STMN1: variants seen among roughly 807,000 people sequenced by gnomAD.
STMN1 encodes stathmin.
In STMN1, 3 loss-of-function variants were observed where a neutral mutation model predicts 19.7. That is an observed-to-expected ratio of 0.15 (90% CI 0.07 to 0.39). The LOEUF is 0.39. STMN1 is among the 10% of genes least tolerant of loss of function. The pLI, the probability that STMN1 is intolerant of heterozygous loss-of-function variation, is 1.00. For missense variants in STMN1, 99 were observed against 176.0 expected (o/e 0.56, Z 2.48); for synonymous variants, 59 against 58.9 (o/e 1.00, Z -0.01).
intron 4 of STMN1, chr1:25,887,680 G>T (rs577729216): frequency 1.9e-4 from 39 of 208,334 alleles, no homozygotes; most frequent in African/African-American, 5.4e-4. Context: ...GTTTTTTGGG[G>T]TTTTTTTGTT....
intron 1 of STMN1, 97 bp from the exon 2 acceptor site, chr1:25,904,835 G>GAA (rs1411924850): frequency 2.1e-5 from 16 of 746,458 alleles, no homozygotes; most frequent in Non-Finnish European, 2.8e-5. Flanking sequence ...TACATCGTCA[G>GAA]AAAAATACGT....
chr1:25,901,224 A>G, intron 4 of STMN1, 137 bp from the exon 5 acceptor site: 1 of 1,447,754 alleles, frequency 6.9e-7, no homozygotes, highest in Non-Finnish European at 9.1e-7. Context: ...TGGGAACCAC[A>G]CAATTTAAGT....
chr1:25,887,002 G>T (rs974601949), intron 4 of STMN1, among the ~76,000 whole-genome samples: 3 of 152,048 alleles, frequency 2.0e-5, no homozygotes, highest in Admixed American at 1.3e-4. Context: ...TGACTTGGAT[G>T]CCCTTTCCTG....
At chr1:25,903,508 TTTCC>T (rs1173019690) in intron 3 of STMN1, 129 bp downstream of exon 3, 2 of 1,225,716 alleles carry the variant, frequency 1.6e-6, no homozygotes, top group East Asian at 4.7e-5. Flanking sequence ...AGGACTGGTA[TTTCC>T]TTCCAGTCAC....
chr1:25,901,686 GA>G lies in STMN1; in HGVS notation c.187-5del, dbSNP rs753614281. On this transcript the variant is annotated splice_polypyrimidine_tract_variant and splice_region_variant and intron_variant, in intron 3 of 4. Coordinates refer to ENST00000455785, the MANE Select transcript of STMN1 (RefSeq NM_005563.4). ...TCAAGACCTCAGCTTCATGGGACTGGAAAAAAAAGTTTAATAGGCTAGGCAC... is the reference window on the plus strand; with the variant it reads ...TCAAGACCTCAGCTTCATGGGACTGGAAAAAAAGTTTAATAGGCTAGGCAC... 1.4e-5 allele frequency: 22 copies of G among 1,598,640 alleles called. No homozygotes were observed. The East Asian group carries it at 4.3e-4, about 31-fold the overall frequency.
chr1:25,902,390 C>T (rs2048886180), intron 3 of STMN1: 1 of 152,130 alleles, frequency 6.6e-6, no homozygotes, highest in South Asian at 2.1e-4. Context: ...ACTGATAAAA[C>T]AATGATAGGA....
Position 25,900,833 on chromosome 1 carries a change from C to CT in STMN1, c.*182dup. The CT allele has an allele frequency of 7.2e-7, 1 of 1,391,532 alleles. No homozygotes were observed. The highest frequency in any genetic ancestry group is 9.3e-7 in the Non-Finnish European group (1 of 1,071,976). The allele number at this position is 1,391,532 out of a possible 1,614,324, so 86.2% of individuals were successfully genotyped here. ...AACACTTTAGAAAAAGAGTAAAACACTTTCAGTTTCTCCCCTTTAGCCCCT... is the reference window on the plus strand; with the variant it reads ...AACACTTTAGAAAAAGAGTAAAACACTTTTCAGTTTCTCCCCTTTAGCCCCT... On this transcript the variant is annotated 3_prime_UTR_variant, in exon 5 of 5. Coordinates refer to ENST00000455785, the MANE Select transcript of STMN1 (RefSeq NM_005563.4).
chr1:25,900,768 GA>G lies in STMN1; in HGVS notation c.*247del. 7.6e-7 allele frequency: 1 copy of G among 1,316,786 alleles called. No homozygotes were observed. The allele number at this position is 1,316,786 out of a possible 1,614,324, so 81.6% of individuals were successfully genotyped here. Reference sequence around the variant, plus strand: ...CCAGTACACCAAGTGTACTGAAGTAGAAAAGATGCAACAAGAAAAATAGCTA... The same window carrying G: ...CCAGTACACCAAGTGTACTGAAGTAGAAAGATGCAACAAGAAAAATAGCTA... On this transcript the variant is annotated 3_prime_UTR_variant, in exon 5 of 5. Coordinates refer to ENST00000455785, the MANE Select transcript of STMN1 (RefSeq NM_005563.4).
chr1:25,898,166 AG>A (rs1413463374), downstream of STMN1, among the ~76,000 whole-genome samples: 2 of 152,164 alleles, frequency 1.3e-5, no homozygotes, highest in Non-Finnish European at 2.9e-5. Flanking sequence ...AAAAATGGGG[AG>A]GGGGCCTGCC....
At chr1:25,903,356 C>T in intron 3 of STMN1, 2 of 316,890 alleles carry the variant, frequency 6.3e-6, no homozygotes, top group Non-Finnish European at 1.2e-5. Context: ...CTGACCCCAA[C>T]ACTTACTAGT....
downstream of STMN1, chr1:25,885,187 G>C (rs1399149942): frequency 6.5e-6 from 1 of 153,784 alleles, no homozygotes; most frequent in Non-Finnish European, 1.5e-5. Flanking sequence ...TGTCTTTGTT[G>C]GGCGCTTCTT....
chr1:25,892,555 G>C (rs532858306), intron 4 of STMN1: 259 of 985,192 alleles, frequency 2.6e-4, no homozygotes, highest in Non-Finnish European at 2.9e-4. Context: ...ATGCCACCAC[G>C]GCTGAGCCGC....
chr1:25,904,833 C>T, intron 1 of STMN1, 95 bp from the exon 2 acceptor site: 1 of 758,526 alleles, frequency 1.3e-6, no homozygotes, highest in Non-Finnish European at 2.0e-6. Flanking sequence ...CATACATCGT[C>T]AGAAAAATAC....
At chr1:25,888,809 G>A (rs917003605) in intron 4 of STMN1, among the ~76,000 whole-genome samples, 2 of 152,166 alleles carry the variant, frequency 1.3e-5, no homozygotes, top group African/African-American at 4.8e-5. Flanking sequence ...GATGGCTGCT[G>A]TACTTCTAGG....
intron 4 of STMN1, among the ~76,000 whole-genome samples, chr1:25,894,025 C>G (rs1171521987): frequency 6.6e-6 from 1 of 152,236 alleles, no homozygotes; most frequent in African/African-American, 2.4e-5. Flanking sequence ...GGAATTCATC[C>G]TGGGCCTGCA....
chr1:25,904,992 T>G lies in STMN1; in HGVS notation c.-62-254A>C, dbSNP rs935035826. On this transcript the variant is annotated intron_variant, in intron 1 of 4. Coordinates refer to ENST00000455785, the MANE Select transcript of STMN1 (RefSeq NM_005563.4). ...TCATAAAACTCTTGGATTTTTAAAA[T>G]CAGACAAAGTCACAAGGGTGAAGAA... 8 of 327,366 alleles carry G rather than the reference T, an allele frequency of 2.4e-5. No individual in the cohort carries two copies. In the East Asian group the frequency reaches 4.0e-4, roughly 16 times the overall value. 20.3% of individuals were successfully genotyped at this position (327,366 alleles called of 1,614,324 possible).
intron 4 of STMN1, among the ~76,000 whole-genome samples, chr1:25,889,393 G>C (rs567050275): frequency 1.3e-5 from 2 of 152,262 alleles, no homozygotes; most frequent in East Asian, 3.9e-4. Context: ...AGCAAGGTCT[G>C]CCATGATGGC....
rs370837660 is a variant in STMN1, at chr1:25,890,943, C to T, written c.379-5074G>A. Among the ~76,000 whole-genome samples the T allele has an allele frequency of 2.0e-5, 3 of 152,280 alleles. No individual in the cohort carries two copies. In the East Asian group the frequency reaches 5.8e-4, roughly 29 times the overall value. On this transcript the variant is annotated intron_variant, in intron 4 of 4. Coordinates refer to the STMN1 transcript ENST00000426559. ...GCCTGCTGGCTCTGCCTCTAATTAGCAGTGGATGAGTGACCTGACCCTCTC... is the reference window on the plus strand; with the variant it reads ...GCCTGCTGGCTCTGCCTCTAATTAGTAGTGGATGAGTGACCTGACCCTCTC...
exon 5 of STMN1, chr1:25,885,647 C>T (rs1252181990): frequency 9.8e-6 from 14 of 1,434,246 alleles, no homozygotes; most frequent in Non-Finnish European, 1.3e-5. Flanking sequence ...TCTTCCACAT[C>T]AAGGATCCTC....
Sources: allele counts gnomAD v4.1 joint callset (sites outside exome capture counted in the v4.1 genomes callset), GRCh38; gene constraint gnomAD v4.1.1; transcripts MANE v1.5; gene names NCBI Gene and HGNC (gene_info 2026-07-23, HGNC 2026-07-21).